The following ERC1 variants were observed in gnomAD, a reference collection of about 807,000 sequenced individuals.
ERC1 encodes RAB6 interacting protein 2.
Under a neutral mutation model 132.0 loss-of-function variants are expected in ERC1, and 56 were observed. The ratio of observed to expected loss-of-function variants is 0.42; its 90% CI spans 0.34 to 0.53. The LOEUF is 0.53. ERC1 is among the 20% of genes least tolerant of loss of function. ERC1 has a pLI of 0.03. For synonymous variants in ERC1, 478 were observed against 476.1 expected (o/e 1.00, Z -0.05); for missense variants, 1,202 against 1,349.9 (o/e 0.89, Z 1.72).
At chr12:1,140,669 A>G (rs1444852824) in intron 7 of ERC1, among the ~76,000 whole-genome samples, 3 of 152,152 alleles carry the variant, frequency 2.0e-5, no homozygotes, top group African/African-American at 7.2e-5. Flanking sequence ...CAAGTTAAAG[A>G]TGAGAGACCA....
At chr12:1,272,463 C>T (rs2077930160) in intron 14 of ERC1, among the ~76,000 whole-genome samples, 1 of 152,142 alleles carries the variant, frequency 6.6e-6, no homozygotes, top group Non-Finnish European at 1.5e-5. Context: ...TTGTCCTCTC[C>T]CCAATCTGGT....
At chr12:1,095,308 C>T (rs971858047) in intron 3 of ERC1, among the ~76,000 whole-genome samples, 2 of 148,768 alleles carry the variant, frequency 1.3e-5, no homozygotes, top group Non-Finnish European at 1.5e-5. Context: ...TGCATGCCTG[C>T]GGTCCTAGCT....
In ERC1 at chr12:1,493,867, C is replaced by T. The variant is rs1241389602; in HGVS notation, c.*3637C>T. On this transcript the variant is annotated 3_prime_UTR_variant, in exon 19 of 19. Transcript: ENST00000360905. ...AAGTCATCACAGACACGGTCTTAGC[C>T]ACCTGCTGAACTAATCCCTCCGCTA... 3 of 228,690 alleles carry T rather than the reference C, an allele frequency of 1.3e-5. No homozygotes were observed. The highest frequency in any genetic ancestry group is 2.6e-5 in the Non-Finnish European group (3 of 115,382). The allele number at this position is 228,690 out of a possible 1,614,324, so 14.2% of individuals were successfully genotyped here. A position where few individuals can be genotyped will look rare whatever the true frequency, so the allele number is the denominator to read the frequency against.
At chr12:1,287,330 G>T (rs994695174) in intron 14 of ERC1, among the ~76,000 whole-genome samples, 1 of 152,280 alleles carries the variant, frequency 6.6e-6, no homozygotes, top group Non-Finnish European at 1.5e-5. Context: ...ATTGTATAAC[G>T]AACAACCACA....
intron 15 of ERC1, among the ~76,000 whole-genome samples, chr12:1,365,298 T>G (rs1486039742): frequency 1.3e-5 from 2 of 152,016 alleles, no homozygotes; most frequent in Non-Finnish European, 2.9e-5. Context: ...TTACGTGCTC[T>G]GCTCACTTGC....
intron 7 of ERC1, among the ~76,000 whole-genome samples, chr12:1,128,255 G>A (rs1315265045): frequency 1.3e-5 from 2 of 152,128 alleles, no homozygotes; most frequent in East Asian, 1.9e-4. Context: ...TAGAACGAGA[G>A]TATAAACTAA....
chr12:1,200,698 A>G (rs1451732893), intron 12 of ERC1, among the ~76,000 whole-genome samples: 1 of 152,020 alleles, frequency 6.6e-6, no homozygotes, highest in Non-Finnish European at 1.5e-5. Flanking sequence ...AGCTGGGACT[A>G]CAGGCGCCCG....
intron 13 of ERC1, among the ~76,000 whole-genome samples, chr12:1,244,002 A>G (rs900650788): frequency 6.6e-6 from 1 of 152,176 alleles, no homozygotes; most frequent in African/African-American, 2.4e-5. Flanking sequence ...GTACCCAGTA[A>G]TATCGCCTAG....
chr12:1,110,114 C>A, intron 4 of ERC1, 78 bp from the exon 5 acceptor site: 3 of 1,215,946 alleles, frequency 2.5e-6, no homozygotes, highest in South Asian at 1.7e-5. Context: ...TTAAATGTAA[C>A]TTCTTTAAAT....
intron 2 of ERC1, among the ~76,000 whole-genome samples, chr12:1,066,724 C>T (rs1217616384): frequency 6.6e-6 from 1 of 151,310 alleles, no homozygotes. Context: ...GTAATCCCAA[C>T]TATTCAGGAG....
chr12:1,475,772 T>G (rs972018518), intron 18 of ERC1, among the ~76,000 whole-genome samples: 1 of 152,176 alleles, frequency 6.6e-6, no homozygotes, highest in Admixed American at 6.5e-5. Context: ...GAAGTAGTTA[T>G]GAAGCTATTG....
intron 2 of ERC1, 90 bp from the exon 3 acceptor site, chr12:1,083,074 T>G: frequency 9.2e-7 from 1 of 1,084,654 alleles, no homozygotes. Context: ...GCAGATTTCT[T>G]GTAGCTATTT....
chr12:1,106,114 A>T (rs1485671428), intron 4 of ERC1, among the ~76,000 whole-genome samples: 1 of 152,258 alleles, frequency 6.6e-6, no homozygotes, highest in African/African-American at 2.4e-5. Context: ...CAACTGTAAG[A>T]TATGGAGCAA....
rs993997283 is a variant in ERC1, at chr12:1,182,045, G to C, written c.1996G>C (p.Gly666Arg). The C allele has an allele frequency of 6.2e-7, 1 of 1,613,904 alleles. No individual in the cohort carries two copies. Among genetic ancestry groups the C allele is most frequent in the Non-Finnish European group, 8.5e-7 (1 of 1,179,922 alleles). Residue 666 changes from glycine (G) to arginine (R), a missense_variant, in exon 10 of 19, where the codon GGC becomes CGC. Coordinates refer to ENST00000360905, the MANE Select transcript of ERC1 (RefSeq NM_178040.4). ...GAAGGAAAAAGTCAGCCTGTTGCAA[G>C]GCGACCTTTCAGAGAAAGAGGTTAA... ...DLKEKVSLLQ[G>R]DLSEKEASLL...
At chr12:1,378,253 G>A (rs10773939) in intron 16 of ERC1, among the ~76,000 whole-genome samples, 61,693 of 151,714 alleles carry the variant, frequency 0.41, 13,789 homozygotes, top group African/African-American at 0.59. Context: ...GGCCCTGACC[G>A]CTCCCCGTTG....
chr12:1,388,088 G>T (rs1008337720), intron 16 of ERC1, among the ~76,000 whole-genome samples: 1 of 152,170 alleles, frequency 6.6e-6, no homozygotes, highest in Admixed American at 6.5e-5. Context: ...TCGGCCGGGC[G>T]TGGTGGCTCA....
chr12:1,053,137 G>T (rs1328772228), intron 2 of ERC1, among the ~76,000 whole-genome samples: 1 of 152,154 alleles, frequency 6.6e-6, no homozygotes, highest in Non-Finnish European at 1.5e-5. Flanking sequence ...TAAAAGTGTT[G>T]TGAAAATACT....
chr12:1,219,285 TA>T (rs1252839270), intron 12 of ERC1, among the ~76,000 whole-genome samples: 1 of 152,186 alleles, frequency 6.6e-6, no homozygotes, highest in Admixed American at 6.5e-5. Flanking sequence ...ACAATGTCTT[TA>T]GTTAAATATC....
chr12:1,030,654 G>A (rs987128056), intron 2 of ERC1, among the ~76,000 whole-genome samples: 2 of 152,254 alleles, frequency 1.3e-5, no homozygotes, highest in Non-Finnish European at 2.9e-5. Flanking sequence ...CTGGGAGGTC[G>A]AGGCCACAGT....
Sources: allele counts gnomAD v4.1 joint callset (sites outside exome capture counted in the v4.1 genomes callset), GRCh38; gene constraint gnomAD v4.1.1; transcripts MANE v1.5; gene names NCBI Gene and HGNC (gene_info 2026-07-23, HGNC 2026-07-21).